Variants in UST observed in about 807,000 individuals in gnomAD.
UST encodes the protein uronyl 2-sulfotransferase.
A neutral mutation model predicts 45.6 loss-of-function variants in UST; 21 were observed. That is an observed-to-expected ratio of 0.46 (90% confidence interval 0.33 to 0.66). The LOEUF is 0.66. Among genes scored for constraint, UST ranks in the 30% least tolerant of loss-of-function variants. The pLI, the probability that UST is intolerant of heterozygous loss-of-function variation, is 0.02. For missense variants in UST, 463 were observed against 512.4 expected, an observed-to-expected ratio of 0.90 and a Z score of 0.93; for synonymous variants, 215 against 200.6, an observed-to-expected ratio of 1.07 and a Z score of -0.61.
In UST at chr6:148,914,510, C is replaced by T. The variant is rs371268734; in HGVS notation, c.292-26769C>T. Among the ~76,000 whole-genome samples, 102 of 152,218 alleles carry T rather than the reference C, an allele frequency of 6.7e-4. 1 individual carries two copies. In the South Asian group the frequency reaches 0.019, roughly 29 times the overall value. ...TAATATATCCCTTGCATGTGTAGTTCGTAGTCTTTTCTATGATATGTAGTC... is the reference window on the plus strand; with the variant it reads ...TAATATATCCCTTGCATGTGTAGTTTGTAGTCTTTTCTATGATATGTAGTC... On this transcript the variant is annotated intron_variant, in intron 2 of 7. Coordinates refer to ENST00000367463, the MANE Select transcript of UST (RefSeq NM_005715.3).
chr6:148,936,770 A>T (rs1234203088), intron 2 of UST, among the ~76,000 whole-genome samples: 1 of 152,068 alleles, frequency 6.6e-6, no homozygotes, highest in African/African-American at 2.4e-5. Context: ...ATCTCAGCTC[A>T]CTGCAATCTC....
chr6:148,818,927 A>T (rs2114740280), intron 1 of UST, among the ~76,000 whole-genome samples: 1 of 152,270 alleles, frequency 6.6e-6, no homozygotes, highest in South Asian at 2.1e-4. Context: ...CCCAACTGCT[A>T]AGGTATTCAG....
intron 2 of UST, among the ~76,000 whole-genome samples, chr6:148,915,261 T>A (rs1044576454): frequency 2.0e-5 from 3 of 152,226 alleles, no homozygotes; most frequent in Middle Eastern, 3.4e-3. Flanking sequence ...AAGATAGAAG[T>A]TTAGCAAATC....
intron 7 of UST, among the ~76,000 whole-genome samples, chr6:149,054,588 AG>A: frequency 6.6e-6 from 1 of 152,302 alleles, no homozygotes; most frequent in Middle Eastern, 3.4e-3. Flanking sequence ...GTCGGGGGGC[AG>A]GCATTTAGTA....
At chr6:148,838,452 T>G (rs1777831692) in intron 1 of UST, among the ~76,000 whole-genome samples, 1 of 152,220 alleles carries the variant, frequency 6.6e-6, no homozygotes, top group African/African-American at 2.4e-5. Context: ...CCTAGGGACT[T>G]CAGCTGAAGA....
rs1165179256 is a variant in UST at position 149,049,923 on chromosome 6, T to TCACACACACACACACA, written c.938-23909_938-23908insACACACACACACACAC. ...AACTCACCTTGTCTCTCTCTCTCTC[T>TCACACACACACACACA]CTCTCTCTCACACACACACACACAC... On this transcript the variant is annotated intron_variant, in intron 7 of 7. Transcript: ENST00000367463. Among the ~76,000 whole-genome samples, 158 of 102,940 alleles carry TCACACACACACACACA rather than the reference T, an allele frequency of 1.5e-3. 1 individual carries two copies. Among genetic ancestry groups the TCACACACACACACACA allele is most frequent in the African/African-American group, 5.2e-3 (151 of 29,082 alleles). 67.5% of individuals were successfully genotyped at this position (102,940 alleles called of 152,430 possible). A position where few individuals can be genotyped will look rare whatever the true frequency, so the allele number is the denominator to read the frequency against.
chr6:148,750,908 G>T (rs1189482987), intron 1 of UST, among the ~76,000 whole-genome samples: 1 of 152,156 alleles, frequency 6.6e-6, no homozygotes, highest in South Asian at 2.1e-4. Context: ...TAGCAGTTGT[G>T]CTATGTCTAG....
intron 1 of UST, among the ~76,000 whole-genome samples, chr6:148,854,101 A>G (rs1211859572): frequency 6.6e-6 from 1 of 152,272 alleles, no homozygotes; most frequent in Non-Finnish European, 1.5e-5. Flanking sequence ...TAAAAAAGCA[A>G]GCCTGTGGGT....
At chr6:148,827,349 G>A (rs1383476404) in intron 1 of UST, among the ~76,000 whole-genome samples, 5 of 152,190 alleles carry the variant, frequency 3.3e-5, no homozygotes, top group African/African-American at 4.8e-5. Context: ...GGGGCCGGCC[G>A]CGGTGGTTCA....
At chr6:149,015,922 T>C (rs572053236) in intron 5 of UST, among the ~76,000 whole-genome samples, 1 of 152,312 alleles carries the variant, frequency 6.6e-6, no homozygotes, top group Admixed American at 6.5e-5. Flanking sequence ...TCGGTTCTGC[T>C]AAGAGTGGAC....
At chr6:148,909,960 A>G (rs1373564621) in intron 2 of UST, among the ~76,000 whole-genome samples, 1 of 152,104 alleles carries the variant, frequency 6.6e-6, no homozygotes, top group African/African-American at 2.4e-5. Context: ...TTACTGGGGA[A>G]AAGCAATAGG....
intron 2 of UST, among the ~76,000 whole-genome samples, chr6:148,896,974 C>T (rs1251948601): frequency 6.6e-6 from 1 of 152,070 alleles, no homozygotes; most frequent in East Asian, 1.9e-4. Flanking sequence ...GAAGTGAGAT[C>T]ACTGGAATGC....
At chr6:148,774,204 G>C (rs974002691) in intron 1 of UST, among the ~76,000 whole-genome samples, 2 of 151,844 alleles carry the variant, frequency 1.3e-5, no homozygotes, top group African/African-American at 4.8e-5. Context: ...AGATGTTAAA[G>C]AAGCGTGTGA....
intron 5 of UST, among the ~76,000 whole-genome samples, chr6:148,974,968 G>A (rs1299198131): frequency 6.6e-6 from 1 of 152,144 alleles, no homozygotes; most frequent in East Asian, 1.9e-4. Context: ...TTAACCACTT[G>A]GATAAGACTT....
At chr6:148,820,677 C>T (rs565996567) in intron 1 of UST, among the ~76,000 whole-genome samples, 11 of 151,752 alleles carry the variant, frequency 7.2e-5, no homozygotes, top group South Asian at 2.1e-4. Flanking sequence ...GATGAAACCC[C>T]GTCTCTACTA....
In UST at chr6:148,764,335, A is replaced by AT. The variant is rs546502503; in HGVS notation, c.247+16662dup. On this transcript the variant is annotated intron_variant, in intron 1 of 7. Coordinates refer to ENST00000367463, the MANE Select transcript of UST (RefSeq NM_005715.3). The stretch of plus-strand genomic sequence containing the variant: ...TAGAAATGCTGATTTTTGTACATTG[A>AT]TTTTGTGTCCTGAAACTTTACTGAA... Among the ~76,000 whole-genome samples the AT allele has an allele frequency of 1.2e-3, 187 of 152,194 alleles. 1 individual carries two copies. The highest frequency in any genetic ancestry group is 4.3e-3 in the African/African-American group (180 of 41,536).
At position 149,075,270 on chromosome 6, in the gene UST, A is replaced by C. The variant is rs1428694903; in HGVS notation, c.*1154A>C. Reference sequence around the variant, plus strand: ...GGTCCTATAGGACCTGGTACTATGTACTATTGTAACTTCTAGTTCCCTAAG... The same window carrying C: ...GGTCCTATAGGACCTGGTACTATGTCCTATTGTAACTTCTAGTTCCCTAAG... On this transcript the variant is annotated 3_prime_UTR_variant, in exon 8 of 8. Transcript: ENST00000367463. 1 of 152,200 alleles carries C rather than the reference A, an allele frequency of 6.6e-6. No individual in the cohort carries two copies. Among genetic ancestry groups the C allele is most frequent in the Non-Finnish European group, 1.5e-5 (1 of 68,058 alleles). The allele number at this position is 152,200 out of a possible 1,614,324, so 9.4% of individuals were successfully genotyped here. A position where few individuals can be genotyped will look rare whatever the true frequency, so the allele number is the denominator to read the frequency against.
intron 5 of UST, among the ~76,000 whole-genome samples, chr6:148,986,258 C>A (rs1244874359): frequency 6.6e-6 from 1 of 152,226 alleles, no homozygotes; most frequent in Non-Finnish European, 1.5e-5. Flanking sequence ...AGATTCATGG[C>A]TGCCACATAT....
At position 149,013,845 on chromosome 6, in the gene UST, C is replaced by T. The variant is rs539967253; in HGVS notation, c.682-5294C>T. On this transcript the variant is annotated intron_variant, in intron 5 of 7. Transcript: ENST00000367463. ...CAAGCATGGAGCTGTGTAAAAACACCAATAAGTCTTTTTTCAGTTCAGTGG... is the reference window on the plus strand; with the variant it reads ...CAAGCATGGAGCTGTGTAAAAACACTAATAAGTCTTTTTTCAGTTCAGTGG... Among the ~76,000 whole-genome samples, 10 of 152,250 alleles carry T rather than the reference C, an allele frequency of 6.6e-5. No individual in the cohort carries two copies. The South Asian group carries it at 2.1e-3, about 32-fold the overall frequency.
Sources: allele counts gnomAD v4.1 joint callset (sites outside exome capture counted in the v4.1 genomes callset), GRCh38; gene constraint gnomAD v4.1.1; transcripts MANE v1.5; gene names NCBI Gene and HGNC (gene_info 2026-07-23, HGNC 2026-07-21).